Variants in OSBPL9 observed in about 807,000 individuals in gnomAD.
OSBPL9 encodes oxysterol-binding protein-related protein 9.
OSBPL9 carries 40 observed loss-of-function variants against 106.6 expected under a neutral mutation model. The ratio of observed to expected loss-of-function variants is 0.38; its 90% confidence interval spans 0.29 to 0.49. The LOEUF (loss-of-function observed/expected upper bound fraction) is 0.49. OSBPL9 is among the 20% of genes least tolerant of loss of function. The pLI is 0.97. For missense variants in OSBPL9, 609 were observed against 887.2 expected, an observed-to-expected ratio of 0.69 and a Z score of 3.98; for synonymous variants, 269 against 295.4, an observed-to-expected ratio of 0.91 and a Z score of 0.92.
chr1:51,763,704 T>C (rs1232444731), intron 11 of OSBPL9, among the ~76,000 whole-genome samples: 1 of 152,250 alleles, frequency 6.6e-6, no homozygotes, highest in Non-Finnish European at 1.5e-5. Flanking sequence ...AATAGCTCTC[T>C]TACTTGAAGC....
chr1:51,652,942 C>A (rs1046013381), intron 2 of OSBPL9, among the ~76,000 whole-genome samples: 1 of 152,202 alleles, frequency 6.6e-6, no homozygotes, highest in Admixed American at 6.5e-5. Flanking sequence ...TTCTTTCTTC[C>A]ACCTTTTTTT....
At chr1:51,758,353 CTTTT>C (rs538323659) in intron 9 of OSBPL9, among the ~76,000 whole-genome samples, 161 of 149,974 alleles carry the variant, frequency 1.1e-3, no homozygotes, top group African/African-American at 3.6e-3. Flanking sequence ...GATTACTTTT[CTTTT>C]AAGGGTTAAA....
At chr1:51,573,902 G>C (rs1007147298), upstream of OSBPL9, 6 of 145,498 alleles carry the variant, frequency 4.1e-5, no homozygotes, top group Admixed American at 2.7e-4. Context: ...TTCCCAATTA[G>C]TATATTAATA....
intron 3 of OSBPL9, among the ~76,000 whole-genome samples, chr1:51,689,062 C>T (rs1654423230): frequency 6.6e-6 from 1 of 152,164 alleles, no homozygotes; most frequent in South Asian, 2.1e-4. Flanking sequence ...CTTCACTCTA[C>T]CTTATACCCT....
At chr1:51,715,980 ATTC>A (rs1024006023) in intron 4 of OSBPL9, among the ~76,000 whole-genome samples, 3 of 152,022 alleles carry the variant, frequency 2.0e-5, no homozygotes, top group African/African-American at 7.2e-5. Context: ...TCCTTATCAT[ATTC>A]TTCTTGTTTA....
In OSBPL9 at chr1:51,785,877, T is replaced by C. The variant is rs1571799454; in HGVS notation, c.1899T>C (p.Tyr633=). ...GEWNGVMYAK[Y]ATGENTVFVD... is the part of the protein sequence containing the mutation. ...GGAATGGTGTGATGTATGCAAAATA[T>C]GCAACAGGGGTAAGATCCTCTATTT... Residue 633 remains tyrosine (Y), a synonymous_variant, in exon 21 of 24, where the codon TAT becomes TAC. Coordinates refer to ENST00000428468, the MANE Select transcript of OSBPL9 (RefSeq NM_024586.6). 8.1e-6 allele frequency: 13 copies of C among 1,610,588 alleles called. 1 individual carries two copies. In the East Asian group the frequency reaches 2.7e-4, roughly 33 times the overall value.
chr1:51,789,050 T>G lies in OSBPL9; in HGVS notation c.*1261T>G, dbSNP rs1007204468. ...TTGGCCCATTCTGCTAATTTTCCTT[T>G]GCCAGCTCCTACAGTAACCCTGGGT... On this transcript the variant is annotated 3_prime_UTR_variant, in exon 24 of 24. Transcript: ENST00000428468. 3 of 641,902 alleles carry G rather than the reference T, an allele frequency of 4.7e-6. No homozygotes were observed. The highest frequency in any genetic ancestry group is 8.0e-6 in the Non-Finnish European group (3 of 373,192). 39.8% of individuals were successfully genotyped at this position (641,902 alleles called of 1,614,324 possible).
chr1:51,541,172 G>T, the OSBPL9 span, among the ~76,000 whole-genome samples: 1 of 152,044 alleles, frequency 6.6e-6, no homozygotes, highest in Non-Finnish European at 1.5e-5. Context: ...TTGCTTGTTT[G>T]TCTCTCTTCC....
At chr1:51,636,676 A>G (rs1399455924) in intron 1 of OSBPL9, among the ~76,000 whole-genome samples, 2 of 152,078 alleles carry the variant, frequency 1.3e-5, no homozygotes, top group Non-Finnish European at 1.5e-5. Flanking sequence ...AAGGCTGGGC[A>G]CAGTGGCTCA....
At chr1:51,599,976 A>G (rs930869747) in intron 2 of OSBPL9, among the ~76,000 whole-genome samples, 1 of 152,216 alleles carries the variant, frequency 6.6e-6, no homozygotes, top group African/African-American at 2.4e-5. Flanking sequence ...GTGTCTTCAC[A>G]TGGCAGAATA....
intron 3 of OSBPL9, among the ~76,000 whole-genome samples, chr1:51,706,387 G>A (rs1179490544): frequency 6.6e-6 from 1 of 152,056 alleles, no homozygotes; most frequent in East Asian, 1.9e-4. Flanking sequence ...TAGTCAGGGA[G>A]TTATGAGTAT....
Position 51,714,903 on chromosome 1 carries a change from C to T in OSBPL9, c.318+824C>T, listed in dbSNP as rs2148895592. On this transcript the variant is annotated intron_variant, in intron 4 of 23. Coordinates refer to ENST00000428468, the MANE Select transcript of OSBPL9 (RefSeq NM_024586.6). Reference sequence around the variant, plus strand: ...TGATAGGGTAGAAGGTGTGTTCATCCTACCCAACCCGACCCGCACCAAAGT... The same window carrying T: ...TGATAGGGTAGAAGGTGTGTTCATCTTACCCAACCCGACCCGCACCAAAGT... Among the ~76,000 whole-genome samples the T allele has an allele frequency of 2.0e-5, 3 of 152,288 alleles. No homozygotes were observed. In the South Asian group the frequency reaches 6.2e-4, roughly 32 times the overall value.
intron 4 of OSBPL9, among the ~76,000 whole-genome samples, chr1:51,727,743 C>T (rs1048282601): frequency 4.6e-5 from 7 of 152,122 alleles, no homozygotes; most frequent in African/African-American, 9.7e-5. Flanking sequence ...GGTGTGTGCG[C>T]CTGTAGTCCC....
intron 20 of OSBPL9, chr1:51,784,814 T>C (rs909645141): frequency 1.8e-6 from 1 of 548,492 alleles, no homozygotes; most frequent in African/African-American, 1.9e-5. Flanking sequence ...AAACCTGACT[T>C]GCAATGTTGA....
At chr1:51,527,330 G>GTGA in the OSBPL9 span, among the ~76,000 whole-genome samples, 3,443 of 110,192 alleles carry the variant, frequency 0.031, 46 homozygotes, top group East Asian at 0.053. Flanking sequence ...AATGATGATG[G>GTGA]TGATGATGAT....
At chr1:51,726,425 C>A (rs1186524550) in intron 4 of OSBPL9, among the ~76,000 whole-genome samples, 1 of 151,672 alleles carries the variant, frequency 6.6e-6, no homozygotes, top group African/African-American at 2.4e-5. Context: ...TCTTTTTTTT[C>A]TTCCATTGCT....
In OSBPL9 at chr1:51,781,943, T is replaced by C. The variant is rs151267759; in HGVS notation, c.1428+608T>C. 5.3e-5 allele frequency among the ~76,000 whole-genome samples: 8 copies of C among 152,100 alleles called. 1 individual carries two copies. Among genetic ancestry groups the C allele is most frequent in the African/African-American group, 1.9e-4 (8 of 41,472 alleles). On this transcript the variant is annotated intron_variant, in intron 16 of 23. Transcript: ENST00000428468. ...AGATGGAATTTAAGAGTGTGGAGTT[T>C]AGGGAGAGGTCTGAGATGGGGATGG...
chr1:51,706,064 G>C (rs1658476042), intron 3 of OSBPL9, among the ~76,000 whole-genome samples: 1 of 152,120 alleles, frequency 6.6e-6, no homozygotes, highest in Non-Finnish European at 1.5e-5. Flanking sequence ...TGGTGTCAAA[G>C]TTATGCTGGC....
At position 51,659,658 on chromosome 1, in the gene OSBPL9, G is replaced by A. The variant is rs147759019; in HGVS notation, c.162+7617G>A. Among the ~76,000 whole-genome samples, 901 of 151,508 alleles carry A rather than the reference G, an allele frequency of 5.9e-3. 6 individuals carry two copies. The highest frequency in any genetic ancestry group is 0.015 in the South Asian group (71 of 4,798). On this transcript the variant is annotated intron_variant, in intron 2 of 23. Transcript: ENST00000428468. ...TTAGATTGGGAGGAAAAAAACGAAG[G>A]CACAAATAAATAATATTAAGAATGA... is the stretch of plus-strand genomic sequence containing the variant.
Sources: allele counts gnomAD v4.1 joint callset (sites outside exome capture counted in the v4.1 genomes callset), GRCh38; gene constraint gnomAD v4.1.1; transcripts MANE v1.5; gene names NCBI Gene and HGNC (gene_info 2026-07-23, HGNC 2026-07-21).